Variants in NFX1 observed in about 807,000 individuals in gnomAD.
NFX1 encodes nuclear transcription factor, X-box binding 1, also known as transcriptional repressor NF-X1.
A neutral mutation model predicts 137.2 loss-of-function variants in NFX1; 69 were observed. The observed-to-expected ratio is 0.50, with a 90% confidence interval of 0.41 to 0.61. The LOEUF is 0.61. Among genes scored for constraint, NFX1 ranks in the 20% least tolerant of loss-of-function variants. NFX1 has a pLI of 0.00. For missense variants in NFX1, 1,167 were observed against 1,391.0 expected (o/e 0.84, Z 2.56); for synonymous variants, 495 against 474.1 (o/e 1.04, Z -0.57).
At chr9:33,358,278 C>G (rs1823877949) in intron 19 of NFX1, among the ~76,000 whole-genome samples, 1 of 151,998 alleles carries the variant, frequency 6.6e-6, no homozygotes, top group Admixed American at 6.6e-5. Context: ...GTGCCCACCA[C>G]TACACCCGGC....
In NFX1 at chr9:33,309,360, GAA is replaced by G. The variant is rs34060097; in HGVS notation, c.1377-1733_1377-1732del. 1.2e-3 allele frequency among the ~76,000 whole-genome samples: 172 copies of G among 146,098 alleles called. 2 individuals are homozygous for G. The highest frequency in any genetic ancestry group is 3.9e-3 in the African/African-American group (154 of 39,908). On this transcript the variant is annotated intron_variant, in intron 5 of 23. Transcript: ENST00000379540. The stretch of plus-strand genomic sequence containing the variant: ...CTACAGAGCAAGACTCCGTCTCAGA[GAA>G]AAAAAAAAAAAACTTAATCCTCTGC...
At position 33,367,566 on chromosome 9, in the gene NFX1, A is replaced by G; in HGVS notation, c.3237A>G (p.Glu1079=). 1.9e-6 allele frequency: 3 copies of G among 1,613,900 alleles called. No homozygotes were observed. The highest frequency in any genetic ancestry group is 2.5e-6 in the Non-Finnish European group (3 of 1,179,834). The change falls in exon 23 of 24, where the codon GAA becomes GAG. Residue 1079 remains glutamate, a synonymous_variant. Coordinates refer to ENST00000379540, the MANE Select transcript of NFX1 (RefSeq NM_002504.6). ...PTTLTGVLER[E]MQARPPPPIP... is the part of the protein sequence containing the mutation. ...CGCTGACAGGTGTGCTTGAAAGGGA[A>G]ATGCAGGCACGGCCTCCACCACCGA...
intron 4 of NFX1, among the ~76,000 whole-genome samples, chr9:33,304,808 G>T (rs968361777): frequency 2.6e-5 from 4 of 152,204 alleles, no homozygotes; most frequent in African/African-American, 9.6e-5. Flanking sequence ...CATGAAACTG[G>T]AAGTAAGAGA....
intron 9 of NFX1, among the ~76,000 whole-genome samples, chr9:33,328,215 C>G (rs1387002995): frequency 3.3e-5 from 5 of 150,950 alleles, no homozygotes; most frequent in Non-Finnish European, 1.5e-5. Context: ...TTGGTAGACA[C>G]AGGGTTTCAC....
chr9:33,327,565 C>T (rs1050066526), intron 9 of NFX1, among the ~76,000 whole-genome samples: 7 of 152,104 alleles, frequency 4.6e-5, no homozygotes, highest in African/African-American at 1.7e-4. Flanking sequence ...CAGGGTTTCA[C>T]CATGTTGGTC....
chr9:33,325,312 A>C (rs573452634), intron 9 of NFX1, among the ~76,000 whole-genome samples: 1 of 152,206 alleles, frequency 6.6e-6, no homozygotes, highest in Non-Finnish European at 1.5e-5. Flanking sequence ...ATCAGAAACA[A>C]TGGAGAACAC....
chr9:33,364,182 T>C, intron 20 of NFX1, 74 bp downstream of exon 20: 1 of 953,460 alleles, frequency 1.0e-6, no homozygotes, highest in Non-Finnish European at 1.6e-6. Flanking sequence ...TCATAACTAA[T>C]ATGTACTCCT....
In NFX1 at chr9:33,370,991, T is replaced by G. The variant is rs1463217091; in HGVS notation, c.*1013T>G. 6.6e-6 allele frequency: 1 copy of G among 152,176 alleles called. No homozygotes were observed. Among genetic ancestry groups the G allele is most frequent in the African/African-American group, 2.4e-5 (1 of 41,410 alleles). The allele number at this position is 152,176 out of a possible 1,614,324, so 9.4% of individuals were successfully genotyped here. On this transcript the variant is annotated 3_prime_UTR_variant, in exon 24 of 24. Coordinates refer to ENST00000379540, the MANE Select transcript of NFX1 (RefSeq NM_002504.6). Reference sequence around the variant, plus strand: ...TCCTTTAAGGCAGGTGCATTGATAGTTCCATTAGTGTGACCCTTGCATTGG... The same window carrying G: ...TCCTTTAAGGCAGGTGCATTGATAGGTCCATTAGTGTGACCCTTGCATTGG...
chr9:33,290,602 T>C lies in NFX1; in HGVS notation c.25+5T>C. ...CGGAGGCGCCTCCTGTCTCAGGTAT[T>C]GTCCCGGCCCGAGCGGGACTGGGCC... On this transcript the variant is annotated splice_donor_5th_base_variant and intron_variant, in intron 1 of 23. Transcript: ENST00000379540. 6.2e-7 allele frequency: 1 copy of C among 1,612,928 alleles called. No individual in the cohort carries two copies. The highest frequency in any genetic ancestry group is 8.5e-7 in the Non-Finnish European group (1 of 1,179,696).
At chr9:33,358,773 CCA>C (rs1823899862) in intron 19 of NFX1, among the ~76,000 whole-genome samples, 1 of 150,346 alleles carries the variant, frequency 6.7e-6, no homozygotes, top group African/African-American at 2.5e-5. Flanking sequence ...AGTGATCCTC[CCA>C]CCTCACCTCC....
chr9:33,360,263 C>T (rs1009350666), intron 19 of NFX1, among the ~76,000 whole-genome samples: 1 of 152,184 alleles, frequency 6.6e-6, no homozygotes, highest in Non-Finnish European at 1.5e-5. Context: ...CCTGGCTTCA[C>T]AAATCACTTA....
chr9:33,364,017 G>A lies in NFX1; in HGVS notation c.2881G>A (p.Ala961Thr). Residue 961 changes from alanine (A) to threonine (T), a missense_variant, in exon 20 of 24, where the codon GCA (alanine) becomes ACA (threonine). Ala to Thr is a moderately conservative substitution (Grantham distance 58). Transcript: ENST00000379540. ...CCTCTCTCTCTCTTTCAGGAGATTA[G>A]CAGAGGCATTTCATATCAGTGAGGA... The part of the protein sequence containing the change: ...CSALERKKRL[A>T]EAFHISEDSD... 1 of 1,580,862 alleles carries A rather than the reference G, an allele frequency of 6.3e-7. No homozygotes were observed.
intron 23 of NFX1, among the ~76,000 whole-genome samples, chr9:33,369,666 TAGAG>T (rs1156241730): frequency 1.3e-5 from 2 of 152,128 alleles, no homozygotes; most frequent in Non-Finnish European, 2.9e-5. Context: ...AAAGTGTAAA[TAGAG>T]AATTTGTTAT....
chr9:33,295,719 T>C (rs553214557), intron 2 of NFX1, among the ~76,000 whole-genome samples: 1 of 152,282 alleles, frequency 6.6e-6, no homozygotes, highest in East Asian at 1.9e-4. Flanking sequence ...GTGGTGTAGA[T>C]GTCTGGTTAC....
Position 33,352,725 on chromosome 9 carries a change from T to C in NFX1, c.2729+6T>C. On this transcript the variant is annotated splice_donor_region_variant and intron_variant, in intron 17 of 23. Transcript: ENST00000379540. The stretch of plus-strand genomic sequence containing the variant: ...GCATCTAGTACTTATCAAAGGTTAG[T>C]GTTACTTAAATGTTAACAACTGATG... 2.5e-6 allele frequency: 4 copies of C among 1,612,230 alleles called. No homozygotes were observed. Among genetic ancestry groups the C allele is most frequent in the Non-Finnish European group, 3.4e-6 (4 of 1,178,266 alleles).
At chr9:33,302,458 C>T (rs977725718) in intron 3 of NFX1, among the ~76,000 whole-genome samples, 4 of 144,888 alleles carry the variant, frequency 2.8e-5, no homozygotes, top group African/African-American at 1.0e-4. Flanking sequence ...AATTCCTGGA[C>T]TCAAATGATC....
At chr9:33,298,345 A>G (rs991370506) in intron 2 of NFX1, among the ~76,000 whole-genome samples, 2 of 152,222 alleles carry the variant, frequency 1.3e-5, no homozygotes, top group Non-Finnish European at 2.9e-5. Flanking sequence ...ATTATAGGCA[A>G]TGAAGATAGG....
At chr9:33,312,040 T>C (rs772584907) in intron 6 of NFX1, among the ~76,000 whole-genome samples, 2 of 152,170 alleles carry the variant, frequency 1.3e-5, no homozygotes, top group African/African-American at 2.4e-5. Context: ...TAATACAAGG[T>C]CTCCTACATC....
chr9:33,326,815 G>T (rs1416798312), intron 9 of NFX1, among the ~76,000 whole-genome samples: 3 of 151,926 alleles, frequency 2.0e-5, no homozygotes, highest in Admixed American at 2.0e-4. Context: ...AAGTAGTATT[G>T]GGTTTATAAC....
Sources: allele counts gnomAD v4.1 joint callset (sites outside exome capture counted in the v4.1 genomes callset), GRCh38; gene constraint gnomAD v4.1.1; transcripts MANE v1.5; gene names NCBI Gene and HGNC (gene_info 2026-07-23, HGNC 2026-07-21).